The following SHCBP1L variants were observed in gnomAD, a reference collection of about 807,000 sequenced individuals.
SHCBP1L encodes the protein SHC binding and spindle associated 1 like.
A neutral mutation model predicts 62.5 loss-of-function variants in SHCBP1L; 67 were observed. The ratio of observed to expected loss-of-function variants is 1.07; its 90% CI spans 0.88 to 1.31. The LOEUF (loss-of-function observed/expected upper bound fraction) is 1.31, where lower values mean the gene tolerates loss of function less well. SHCBP1L is among the 40% of genes most tolerant of loss of function. SHCBP1L has a pLI of 0.00. For synonymous variants in SHCBP1L, 284 were observed against 289.4 expected (o/e 0.98, Z 0.19); for missense variants, 823 against 809.8 (o/e 1.02, Z -0.20).
intron 5 of SHCBP1L, among the ~76,000 whole-genome samples, chr1:182,932,928 CAG>C (rs1385453182): frequency 6.6e-6 from 1 of 151,684 alleles, no homozygotes; most frequent in African/African-American, 2.4e-5. Context: ...TTTTTGGAAA[CAG>C]AGTCTCACTC....
chr1:182,944,614 G>A (rs1203359253), intron 2 of SHCBP1L: 1 of 151,306 alleles, frequency 6.6e-6, no homozygotes, highest in African/African-American at 2.4e-5. Flanking sequence ...ATTATTTTTT[G>A]ACATTTATAT....
intron 6 of SHCBP1L, among the ~76,000 whole-genome samples, chr1:182,915,354 A>G (rs1650324594): frequency 6.6e-6 from 1 of 152,144 alleles, no homozygotes. Flanking sequence ...AAAGAAAGGT[A>G]TTATATATTA....
At chr1:182,909,012 C>T (rs1432261498) in intron 6 of SHCBP1L, among the ~76,000 whole-genome samples, 1 of 152,166 alleles carries the variant, frequency 6.6e-6, no homozygotes, top group African/African-American at 2.4e-5. Context: ...ATAAACCTTA[C>T]TAAATCAGCA....
chr1:182,936,419 G>T (rs989697568), intron 5 of SHCBP1L, among the ~76,000 whole-genome samples: 6 of 151,920 alleles, frequency 3.9e-5, no homozygotes, highest in Admixed American at 2.0e-4. Flanking sequence ...ACAGGTATGA[G>T]CCACCACACC....
Position 182,953,058 on chromosome 1 carries a change from A to T in SHCBP1L, c.76T>A (p.Ser26Thr), listed in dbSNP as rs1182342998. The change falls in exon 1 of 10, where the codon TCC becomes ACC. Residue 26 changes from serine to threonine, a missense_variant. Coordinates refer to ENST00000367547, the MANE Select transcript of SHCBP1L (RefSeq NM_030933.4). ...TISPDRRGEK[S>T]ASAVSGDTAA... Reference sequence around the variant, plus strand: ...GTGTCCCCGGAGACAGCGGAGGCGGACTTCTCGCCTCGCCTGTCCGGGCTG... The same window carrying T: ...GTGTCCCCGGAGACAGCGGAGGCGGTCTTCTCGCCTCGCCTGTCCGGGCTG... The T allele has an allele frequency of 3.2e-6, 5 of 1,546,954 alleles. No individual in the cohort carries two copies. Among genetic ancestry groups the T allele is most frequent in the Admixed American group, 1.9e-5 (1 of 52,740 alleles).
At position 182,931,943 on chromosome 1, in the gene SHCBP1L, A is replaced by ATTT. The variant is rs1164377476; in HGVS notation, c.1077-2194_1077-2192dup. Among the ~76,000 whole-genome samples, 406 of 69,662 alleles carry ATTT rather than the reference A, an allele frequency of 5.8e-3. 24 individuals carry two copies. The highest frequency in any genetic ancestry group is 0.012 in the African/African-American group (198 of 16,072). The allele number at this position is 69,662 out of a possible 152,430, so 45.7% of individuals were successfully genotyped here. On this transcript the variant is annotated intron_variant, in intron 5 of 9. Coordinates refer to ENST00000367547, the MANE Select transcript of SHCBP1L (RefSeq NM_030933.4). ...CTCCCTTAATACTTGGGAACCACTG[A>ATTT]TTTTTTTTTTTTTTTTTTTTTTTTT...
At chr1:182,946,018 C>T (rs1234013452) in intron 2 of SHCBP1L, among the ~76,000 whole-genome samples, 4 of 150,426 alleles carry the variant, frequency 2.7e-5, no homozygotes, top group East Asian at 3.9e-4. Flanking sequence ...CAAGACTGCA[C>T]CACTGCACTC....
chr1:182,947,007 C>T (rs572213282), intron 2 of SHCBP1L, among the ~76,000 whole-genome samples: 23 of 152,270 alleles, frequency 1.5e-4, no homozygotes, highest in Non-Finnish European at 2.4e-4. Flanking sequence ...GAGGCTGAGG[C>T]AGGTGGATCA....
At chr1:182,950,898 A>G (rs78250452) in intron 2 of SHCBP1L, among the ~76,000 whole-genome samples, 9,030 of 151,706 alleles carry the variant, frequency 0.06, 377 homozygotes, top group African/African-American at 0.12. Context: ...CAAAGGAAAA[A>G]AATTTCAAAT....
intron 6 of SHCBP1L, among the ~76,000 whole-genome samples, chr1:182,907,984 T>C (rs997969800): frequency 6.6e-6 from 1 of 152,256 alleles, no homozygotes; most frequent in Non-Finnish European, 1.5e-5. Flanking sequence ...AACCTTCATT[T>C]ATATAGATAT....
chr1:182,913,454 G>T (rs1182753351), intron 6 of SHCBP1L, among the ~76,000 whole-genome samples: 1 of 152,122 alleles, frequency 6.6e-6, no homozygotes, highest in Non-Finnish European at 1.5e-5. Flanking sequence ...ACATATTTTG[G>T]GGTCACAGAA....
At chr1:182,927,082 A>C (rs1261718635) in intron 6 of SHCBP1L, among the ~76,000 whole-genome samples, 1 of 46,682 alleles carries the variant, frequency 2.1e-5, no homozygotes, top group Non-Finnish European at 4.2e-5. Flanking sequence ...ATATATATAT[A>C]TATATATATA....
At chr1:182,916,007 C>T (rs2101928520) in intron 6 of SHCBP1L, among the ~76,000 whole-genome samples, 1 of 152,086 alleles carries the variant, frequency 6.6e-6, no homozygotes, top group Non-Finnish European at 1.5e-5. Flanking sequence ...GGGGTTTCAC[C>T]GTGTTAGCCA....
chr1:182,902,753 A>G (rs1463500985), intron 9 of SHCBP1L, among the ~76,000 whole-genome samples: 1 of 152,202 alleles, frequency 6.6e-6, no homozygotes, highest in East Asian at 1.9e-4. Context: ...ACCAAAATGT[A>G]TTACAGATCT....
At chr1:182,914,146 A>G (rs2101926811) in intron 6 of SHCBP1L, among the ~76,000 whole-genome samples, 1 of 152,360 alleles carries the variant, frequency 6.6e-6, no homozygotes, top group South Asian at 2.1e-4. Context: ...AAGTGCTGAA[A>G]GATAAACAAC....
At chr1:182,924,705 A>AAAGGAAGGG (rs1571345911) in intron 6 of SHCBP1L, among the ~76,000 whole-genome samples, 2 of 31,394 alleles carry the variant, frequency 6.4e-5, no homozygotes, top group African/African-American at 2.0e-4. Context: ...GGAAAGGAAG[A>AAAGGAAGGG]AAGAAAGAAA....
At chr1:182,934,481 G>A (rs902902556) in intron 5 of SHCBP1L, among the ~76,000 whole-genome samples, 8 of 152,038 alleles carry the variant, frequency 5.3e-5, no homozygotes, top group Admixed American at 2.0e-4. Flanking sequence ...TTCTGTCTGT[G>A]TGTCTTCTTC....
chr1:182,941,444 T>C (rs1036077886), intron 2 of SHCBP1L, among the ~76,000 whole-genome samples: 12 of 152,186 alleles, frequency 7.9e-5, no homozygotes, highest in African/African-American at 2.9e-4. Flanking sequence ...ACTTTCCAGC[T>C]TAAAATTTGG....
chr1:182,944,779 T>C (rs536184231), intron 2 of SHCBP1L, among the ~76,000 whole-genome samples: 118 of 152,222 alleles, frequency 7.8e-4, no homozygotes, highest in Non-Finnish European at 1.4e-3. Context: ...TCCTGGCCTT[T>C]CATTCACCAA....
Sources: allele counts gnomAD v4.1 joint callset (sites outside exome capture counted in the v4.1 genomes callset), GRCh38; gene constraint gnomAD v4.1.1; transcripts MANE v1.5; gene names NCBI Gene and HGNC (gene_info 2026-07-23, HGNC 2026-07-21).